The following ADARB2 variants were observed in gnomAD, a reference collection of about 807,000 sequenced individuals.
ADARB2 encodes inactive double-stranded RNA-specific editase B2.
A neutral mutation model predicts 62.2 loss-of-function variants in ADARB2; 25 were observed. That is an observed-to-expected ratio of 0.40 (90% CI 0.29 to 0.56). ADARB2 has a LOEUF of 0.56. Ranked by LOEUF, ADARB2 falls within the 20% of genes least tolerant of loss-of-function variation. The probability of loss-of-function intolerance (pLI) is 0.43; values close to 1 mark genes in which losing one functional copy is unlikely to be tolerated. For synonymous variants in ADARB2, 572 were observed against 500.8 expected, an observed-to-expected ratio of 1.14 and a Z score of -1.90; for missense variants, 1,071 against 1,077.4, an observed-to-expected ratio of 0.99 and a Z score of 0.08.
At chr10:1,321,286 C>T (rs761655658) in intron 3 of ADARB2, among the ~76,000 whole-genome samples, 10 of 152,172 alleles carry the variant, frequency 6.6e-5, no homozygotes, top group South Asian at 2.1e-4. Context: ...TGTCCTCATC[C>T]GGAAGATCCC....
At chr10:1,616,326 C>T (rs11250668) in intron 1 of ADARB2, among the ~76,000 whole-genome samples, 28,722 of 151,692 alleles carry the variant, frequency 0.19, 2,881 homozygotes, top group East Asian at 0.33. Context: ...AAAAGAAAAA[C>T]GAGGATCAGA....
intron 3 of ADARB2, among the ~76,000 whole-genome samples, chr10:1,285,733 T>A (rs1824697502): frequency 6.6e-6 from 1 of 152,172 alleles, no homozygotes; most frequent in Non-Finnish European, 1.5e-5. Context: ...CATTGGAAAA[T>A]GAACTTTAAA....
intron 1 of ADARB2, among the ~76,000 whole-genome samples, chr10:1,727,924 T>C (rs1202937736): frequency 3.9e-5 from 6 of 152,230 alleles, no homozygotes; most frequent in Admixed American, 2.6e-4. Context: ...ACAGTTTTTG[T>C]CTAAAGACAC....
chr10:1,567,062 A>G (rs1832868456), intron 1 of ADARB2, among the ~76,000 whole-genome samples: 1 of 151,874 alleles, frequency 6.6e-6, no homozygotes, highest in Non-Finnish European at 1.5e-5. Context: ...GCAGACTTAG[A>G]ATTGTGGAAG....
At chr10:1,492,846 T>C (rs1350569862) in intron 1 of ADARB2, among the ~76,000 whole-genome samples, 2 of 151,982 alleles carry the variant, frequency 1.3e-5, no homozygotes, top group African/African-American at 4.8e-5. Flanking sequence ...GGAGGTGATG[T>C]GCTTGGACTT....
intron 1 of ADARB2, among the ~76,000 whole-genome samples, chr10:1,648,608 G>T (rs916962892): frequency 6.6e-6 from 1 of 152,142 alleles, no homozygotes; most frequent in Non-Finnish European, 1.5e-5. Context: ...GCGATCAAGA[G>T]ACCCTGGCCC....
chr10:1,187,007 C>A (rs1485866593), intron 8 of ADARB2, among the ~76,000 whole-genome samples: 1 of 152,268 alleles, frequency 6.6e-6, no homozygotes, highest in Admixed American at 6.5e-5. Context: ...CCAGCTTCAT[C>A]CACGAGCCTG....
intron 3 of ADARB2, among the ~76,000 whole-genome samples, chr10:1,312,061 C>T (rs777990134): frequency 6.6e-6 from 1 of 152,206 alleles, no homozygotes; most frequent in East Asian, 1.9e-4. Context: ...CAAATAAACT[C>T]ATGTGAAAAT....
intron 8 of ADARB2, among the ~76,000 whole-genome samples, chr10:1,190,423 A>G (rs752809137): frequency 1.4e-4 from 21 of 152,360 alleles, no homozygotes; most frequent in Non-Finnish European, 2.5e-4. Flanking sequence ...TGTGTATTCT[A>G]ATGTGGTTTC....
chr10:1,708,985 C>T (rs1345979697), intron 1 of ADARB2, among the ~76,000 whole-genome samples: 1 of 152,088 alleles, frequency 6.6e-6, no homozygotes, highest in East Asian at 1.9e-4. Flanking sequence ...GAGGAGGCCA[C>T]GCAGGGAACA....
At chr10:1,663,361 A>T (rs1834272982) in intron 1 of ADARB2, among the ~76,000 whole-genome samples, 1 of 152,152 alleles carries the variant, frequency 6.6e-6, no homozygotes, top group Admixed American at 6.5e-5. Context: ...CGACAAGTGC[A>T]TCTCCCCGCC....
intron 1 of ADARB2, among the ~76,000 whole-genome samples, chr10:1,517,945 G>T (rs34573070): frequency 0.02 from 3,029 of 152,184 alleles, 47 homozygotes; most frequent in Non-Finnish European, 0.03. Context: ...CATGGCAGGC[G>T]CTCACTAAAG....
chr10:1,736,953 C>G (rs796996527), intron 1 of ADARB2, 98 bp downstream of exon 1: 1 of 1,252,730 alleles, frequency 8.0e-7, no homozygotes, highest in Non-Finnish European at 1.1e-6. Flanking sequence ...CAAAGTGAAG[C>G]TGCTCACAAC....
intron 2 of ADARB2, among the ~76,000 whole-genome samples, chr10:1,374,713 G>C (rs1044196943): frequency 6.6e-6 from 1 of 152,212 alleles, no homozygotes; most frequent in African/African-American, 2.4e-5. Flanking sequence ...TGCACGCCCG[G>C]CTTCCCCTGT....
At chr10:1,416,979 T>A (rs1832809868) in intron 1 of ADARB2, among the ~76,000 whole-genome samples, 1 of 152,216 alleles carries the variant, frequency 6.6e-6, no homozygotes, top group South Asian at 2.1e-4. Context: ...TTAGGAGTTG[T>A]TACTGCAGGA....
intron 8 of ADARB2, 90 bp from the exon 9 acceptor site, chr10:1,185,129 A>G (rs2131733696): frequency 1.4e-6 from 2 of 1,448,438 alleles, no homozygotes; most frequent in Non-Finnish European, 1.9e-6. Context: ...TGGAGCCTGT[A>G]TGTGAGTGGG....
In ADARB2 at chr10:1,446,873, C is replaced by T. The variant is rs948580688; in HGVS notation, c.101-67713G>A. Among the ~76,000 whole-genome samples, 6 of 152,156 alleles carry T rather than the reference C, an allele frequency of 3.9e-5. No individual in the cohort carries two copies. In the East Asian group the frequency reaches 7.7e-4, roughly 20 times the overall value. ...CTGCCAAAGTGCCTGACTTAGGCCC[C>T]GGGAGGGTTGATGGCCTCAGAGGGT... On this transcript the variant is annotated intron_variant, in intron 1 of 9. Coordinates refer to ENST00000381312, the MANE Select transcript of ADARB2 (RefSeq NM_018702.4).
chr10:1,669,871 TAC>T (rs1278638218), intron 1 of ADARB2, among the ~76,000 whole-genome samples: 4 of 131,982 alleles, frequency 3.0e-5, no homozygotes, highest in African/African-American at 5.8e-5. Flanking sequence ...CAGACACAAA[TAC>T]ACACAGACAC....
At chr10:1,298,720 A>AT (rs75978268) in intron 3 of ADARB2, among the ~76,000 whole-genome samples, 4 of 110,772 alleles carry the variant, frequency 3.6e-5, no homozygotes, top group African/African-American at 1.7e-4. Context: ...TGCGACGGGA[A>AT]TTTTTTTTTT....
Sources: allele counts gnomAD v4.1 joint callset (sites outside exome capture counted in the v4.1 genomes callset), GRCh38; gene constraint gnomAD v4.1.1; transcripts MANE v1.5; gene names NCBI Gene and HGNC (gene_info 2026-07-23, HGNC 2026-07-21).